Variants in PCSK5 observed in about 807,000 individuals in gnomAD.
The protein encoded by PCSK5 is prohormone convertase 5.
In PCSK5, 129 loss-of-function variants were observed where a neutral mutation model predicts 233.2. The ratio of observed to expected loss-of-function variants is 0.55; its 90% CI spans 0.48 to 0.64. The LOEUF (loss-of-function observed/expected upper bound fraction) is 0.64, where lower values mean the gene tolerates loss of function less well. Among genes scored for constraint, PCSK5 ranks in the 30% least tolerant of loss-of-function variants. The pLI is 0.00. For missense variants in PCSK5, 2,076 were observed against 2,430.1 expected, an observed-to-expected ratio of 0.85 and a Z score of 3.06; for synonymous variants, 825 against 879.2, an observed-to-expected ratio of 0.94 and a Z score of 1.09.
At chr9:76,043,223 T>C (rs990827434) in intron 5 of PCSK5, among the ~76,000 whole-genome samples, 1 of 149,872 alleles carries the variant, frequency 6.7e-6, no homozygotes, top group African/African-American at 2.5e-5. Context: ...CGGGCGCCTG[T>C]AGTCCCAGAG....
intron 5 of PCSK5, among the ~76,000 whole-genome samples, chr9:76,061,787 A>G (rs757460542): frequency 2.6e-5 from 4 of 152,210 alleles, no homozygotes; most frequent in Admixed American, 6.5e-5. Flanking sequence ...AGATATCCCA[A>G]TTACATTGAA....
At chr9:76,334,106 G>C (rs1829612363) in intron 34 of PCSK5, among the ~76,000 whole-genome samples, 1 of 152,090 alleles carries the variant, frequency 6.6e-6, no homozygotes, top group South Asian at 2.1e-4. Flanking sequence ...GAGAGAATGA[G>C]AGCCAGGCGA....
intron 5 of PCSK5, among the ~76,000 whole-genome samples, chr9:76,040,102 C>T (rs1829028452): frequency 6.6e-6 from 1 of 152,034 alleles, no homozygotes; most frequent in East Asian, 1.9e-4. Context: ...TTGTTTTTGT[C>T]CCCCAGTTTC....
chr9:75,953,022 C>T (rs1328590884), intron 2 of PCSK5, among the ~76,000 whole-genome samples: 1 of 152,130 alleles, frequency 6.6e-6, no homozygotes, highest in African/African-American at 2.4e-5. Flanking sequence ...TTGAAATCTG[C>T]AGCTTATAAC....
intron 24 of PCSK5, among the ~76,000 whole-genome samples, chr9:76,285,240 G>C (rs1828027022): frequency 6.6e-6 from 1 of 152,190 alleles, no homozygotes; most frequent in Non-Finnish European, 1.5e-5. Flanking sequence ...ATAAGATATA[G>C]ATGAGTAGAC....
chr9:76,183,365 T>C (rs1474529406), intron 16 of PCSK5, among the ~76,000 whole-genome samples: 3 of 152,212 alleles, frequency 2.0e-5, no homozygotes, highest in Non-Finnish European at 4.4e-5. Flanking sequence ...AATGAGTCCA[T>C]TTATGTACAA....
At chr9:76,188,533 C>A in intron 17 of PCSK5, 45 bp from the exon 18 acceptor site, 2 of 1,299,570 alleles carry the variant, frequency 1.5e-6, no homozygotes, top group South Asian at 1.2e-5. Context: ...ACGTTTTGGC[C>A]TCATCACAAC....
chr9:76,209,054 A>G (rs1825225575), intron 20 of PCSK5, among the ~76,000 whole-genome samples: 1 of 152,206 alleles, frequency 6.6e-6, no homozygotes, highest in African/African-American at 2.4e-5. Context: ...CTGCCTGGGG[A>G]CCACATGTCT....
intron 20 of PCSK5, among the ~76,000 whole-genome samples, chr9:76,201,322 A>G (rs1824907427): frequency 6.6e-6 from 1 of 152,188 alleles, no homozygotes; most frequent in Admixed American, 6.5e-5. Context: ...TACTTCCTAT[A>G]TGCTGAGCTA....
chr9:76,047,189 T>C (rs966145881), intron 5 of PCSK5, among the ~76,000 whole-genome samples: 3 of 149,008 alleles, frequency 2.0e-5, no homozygotes, highest in Admixed American at 6.7e-5. Flanking sequence ...CTCCGCCTCC[T>C]GGGTTCACGC....
At chr9:76,189,934 T>TAAATCAGCTACAGTGGCACTGGCCAA (rs1247722695) in intron 20 of PCSK5, among the ~76,000 whole-genome samples, 188 bp downstream of exon 20, 1 of 152,208 alleles carries the variant, frequency 6.6e-6, no homozygotes, top group African/African-American at 2.4e-5. Flanking sequence ...CAAAAAGAAA[T>TAAATCAGCTACAGTGGCACTGGCCAA]AAATCAGCTA....
At chr9:76,049,019 A>G (rs1019661313) in intron 5 of PCSK5, among the ~76,000 whole-genome samples, 1 of 152,110 alleles carries the variant, frequency 6.6e-6, no homozygotes, top group South Asian at 2.1e-4. Flanking sequence ...TAGAAATTAG[A>G]GATAGGCAGA....
chr9:76,080,237 A>G (rs1203458514), intron 7 of PCSK5, among the ~76,000 whole-genome samples: 1 of 152,190 alleles, frequency 6.6e-6, no homozygotes, highest in East Asian at 1.9e-4. Flanking sequence ...GTGACCCTGT[A>G]TACAAAACCC....
chr9:76,254,470 AT>A (rs1044764000), intron 24 of PCSK5, among the ~76,000 whole-genome samples: 4 of 150,458 alleles, frequency 2.7e-5, no homozygotes, highest in African/African-American at 9.9e-5. Flanking sequence ...AGAAGTCACT[AT>A]TTAAAAAAAA....
chr9:76,286,002 T>G (rs1460066457), intron 24 of PCSK5, among the ~76,000 whole-genome samples: 1 of 152,196 alleles, frequency 6.6e-6, no homozygotes, highest in East Asian at 1.9e-4. Context: ...TATTTGTCTT[T>G]CTGATAATGT....
intron 1 of PCSK5, among the ~76,000 whole-genome samples, chr9:75,920,285 T>C (rs1823193339): frequency 1.3e-5 from 2 of 152,132 alleles, no homozygotes; most frequent in African/African-American, 4.8e-5. Flanking sequence ...CTCTATCACA[T>C]GTTTTTTGCT....
chr9:76,144,666 G>C (rs2131779533), intron 10 of PCSK5, among the ~76,000 whole-genome samples: 1 of 152,336 alleles, frequency 6.6e-6, no homozygotes, highest in African/African-American at 2.4e-5. Context: ...ATGGAATTCT[G>C]TTGTGATTTC....
chr9:76,356,919 A>C (rs746612366), intron 37 of PCSK5, among the ~76,000 whole-genome samples: 3 of 152,220 alleles, frequency 2.0e-5, no homozygotes, highest in Admixed American at 6.5e-5. Flanking sequence ...CAAGAAGTTC[A>C]ACAAATATTT....
intron 13 of PCSK5, among the ~76,000 whole-genome samples, chr9:76,173,216 T>C (rs1823402841): frequency 6.6e-6 from 1 of 152,148 alleles, no homozygotes; most frequent in African/African-American, 2.4e-5. Context: ...GCTTAGCATA[T>C]AGAAAGCACT....
Sources: allele counts gnomAD v4.1 joint callset (sites outside exome capture counted in the v4.1 genomes callset), GRCh38; gene constraint gnomAD v4.1.1; transcripts MANE v1.5; gene names NCBI Gene and HGNC (gene_info 2026-07-23, HGNC 2026-07-21).